The following HS3ST4 variants were observed in gnomAD, a reference collection of about 807,000 sequenced individuals.
HS3ST4 encodes the protein heparan sulfate glucosamine 3-O-sulfotransferase 4.
HS3ST4 carries 17 observed loss-of-function variants against 29.2 expected under a neutral mutation model. The ratio of observed to expected loss-of-function variants is 0.58; its 90% CI spans 0.40 to 0.87. The LOEUF is 0.87. Ranked by LOEUF, HS3ST4 falls within the 40% of genes least tolerant of loss-of-function variation. The probability of loss-of-function intolerance (pLI) is 0.00; values close to 1 mark genes in which losing one functional copy is unlikely to be tolerated. For missense variants in HS3ST4, 627 were observed against 634.5 expected (o/e 0.99, Z 0.13); for synonymous variants, 314 against 285.7 (o/e 1.10, Z -1.00).
intron 1 of HS3ST4, among the ~76,000 whole-genome samples, chr16:25,895,333 A>C (rs558124937): frequency 6.6e-5 from 10 of 152,292 alleles, no homozygotes; most frequent in African/African-American, 2.4e-4. Context: ...CAGACAATGT[A>C]GGTCTGGGGA....
intron 1 of HS3ST4, among the ~76,000 whole-genome samples, chr16:25,864,945 C>CATAT (rs71158976): frequency 2.3e-4 from 35 of 149,928 alleles, no homozygotes; most frequent in Middle Eastern, 7.0e-3. Flanking sequence ...TATACACACA[C>CATAT]ATATATATAT....
intron 1 of HS3ST4, among the ~76,000 whole-genome samples, chr16:25,696,315 T>C (rs1966296237): frequency 6.6e-6 from 1 of 152,178 alleles, no homozygotes; most frequent in Admixed American, 6.5e-5. Flanking sequence ...GACTTTAAAC[T>C]CTTCTAAGGG....
At chr16:25,910,994 C>A (rs922772939) in intron 1 of HS3ST4, among the ~76,000 whole-genome samples, 2 of 152,072 alleles carry the variant, frequency 1.3e-5, no homozygotes, top group Non-Finnish European at 2.9e-5. Context: ...GAGAATAAAA[C>A]AAAATAATTG....
At chr16:25,777,777 A>G (rs1479374783) in intron 1 of HS3ST4, among the ~76,000 whole-genome samples, 1 of 152,176 alleles carries the variant, frequency 6.6e-6, no homozygotes, top group Admixed American at 6.5e-5. Flanking sequence ...CAAAACAAAC[A>G]AACAAAGAAA....
intron 1 of HS3ST4, among the ~76,000 whole-genome samples, chr16:25,704,803 C>T (rs890673016): frequency 6.7e-6 from 1 of 150,304 alleles, no homozygotes; most frequent in Non-Finnish European, 1.5e-5. Context: ...CGCTTGAACC[C>T]AGAAGGCAGA....
chr16:25,951,073 CCTT>C (rs1177431839), intron 1 of HS3ST4, among the ~76,000 whole-genome samples: 1 of 152,194 alleles, frequency 6.6e-6, no homozygotes, highest in Non-Finnish European at 1.5e-5. Context: ...ATTAATCCCT[CCTT>C]CTGTAAACAC....
rs909666889 is a variant in HS3ST4 at position 25,732,747 on chromosome 16, A to G, written c.734+39596A>G. ...AGTTAAATTTCTGGAAGGAGGCAGT[A>G]TAGCATGGATTATCGGAAGCCCTGT... On this transcript the variant is annotated intron_variant, in intron 1 of 1. Transcript: ENST00000331351. Among the ~76,000 whole-genome samples the G allele has an allele frequency of 5.3e-5, 8 of 152,352 alleles. No individual in the cohort carries two copies. In the South Asian group the frequency reaches 1.7e-3, roughly 32 times the overall value.
chr16:25,917,314 G>A (rs2141681156), intron 1 of HS3ST4, among the ~76,000 whole-genome samples: 1 of 152,262 alleles, frequency 6.6e-6, no homozygotes, highest in East Asian at 1.9e-4. Flanking sequence ...CCAGGTTCAA[G>A]CGATTCTCCT....
chr16:25,699,495 TATAAA>T (rs546953121), intron 1 of HS3ST4, among the ~76,000 whole-genome samples: 144 of 152,372 alleles, frequency 9.5e-4, no homozygotes, highest in African/African-American at 3.2e-3. Context: ...AACTTGCACT[TATAAA>T]ATAGATTACG....
At chr16:25,932,777 G>C (rs1430464884) in intron 1 of HS3ST4, among the ~76,000 whole-genome samples, 3 of 152,210 alleles carry the variant, frequency 2.0e-5, no homozygotes, top group Admixed American at 1.3e-4. Flanking sequence ...TTAAGAAGGT[G>C]AAAGGACTTC....
At chr16:26,006,467 CA>C (rs1443287617) in intron 1 of HS3ST4, among the ~76,000 whole-genome samples, 1 of 151,918 alleles carries the variant, frequency 6.6e-6, no homozygotes, top group African/African-American at 2.4e-5. Flanking sequence ...TTTATCAAGA[CA>C]GGGGGACTGC....
At chr16:25,712,725 A>G (rs995172984) in intron 1 of HS3ST4, among the ~76,000 whole-genome samples, 2 of 152,212 alleles carry the variant, frequency 1.3e-5, no homozygotes, top group Non-Finnish European at 2.9e-5. Context: ...AGATTGATGG[A>G]TTTGCACAGA....
chr16:26,109,776 C>A (rs1899104132), intron 1 of HS3ST4, among the ~76,000 whole-genome samples: 1 of 148,516 alleles, frequency 6.7e-6, no homozygotes, highest in African/African-American at 2.5e-5. Context: ...ATTTAGGTGT[C>A]ATTGACAAAT....
At chr16:25,714,010 C>G (rs1966435024) in intron 1 of HS3ST4, among the ~76,000 whole-genome samples, 2 of 151,752 alleles carry the variant, frequency 1.3e-5, no homozygotes, top group African/African-American at 4.8e-5. Context: ...GTTCCTGTTT[C>G]CAGTTAAGTT....
At chr16:25,727,298 G>A (rs1014327702) in intron 1 of HS3ST4, among the ~76,000 whole-genome samples, 2 of 152,000 alleles carry the variant, frequency 1.3e-5, no homozygotes, top group Admixed American at 6.6e-5. Flanking sequence ...ATGCAGTTAC[G>A]GAAAAGAATG....
chr16:25,828,301 C>CTTTCTTTCTCTCTCT (rs1555467593), intron 1 of HS3ST4, among the ~76,000 whole-genome samples: 3 of 32,882 alleles, frequency 9.1e-5, no homozygotes, highest in Admixed American at 3.7e-4. Context: ...TCTTTCTTTC[C>CTTTCTTTCTCTCTCT]CTCTCTCTCT....
intron 1 of HS3ST4, among the ~76,000 whole-genome samples, chr16:25,902,620 G>A (rs1968130338): frequency 6.6e-6 from 1 of 152,104 alleles, no homozygotes; most frequent in Non-Finnish European, 1.5e-5. Flanking sequence ...CCCATCAGTT[G>A]GGAGATGAGT....
At chr16:26,107,982 C>CTGTTCTATTTTCTATGGAAAATAGAGG (rs1290625708) in intron 1 of HS3ST4, among the ~76,000 whole-genome samples, 13 of 152,176 alleles carry the variant, frequency 8.5e-5, no homozygotes, top group East Asian at 3.9e-4. Flanking sequence ...GTGGAAAACA[C>CTGTTCTATTTTCTATGGAAAATAGAGG]TGTTCTATTT....
intron 1 of HS3ST4, among the ~76,000 whole-genome samples, chr16:26,013,055 C>T (rs1012801538): frequency 9.9e-5 from 15 of 151,956 alleles, no homozygotes; most frequent in South Asian, 6.2e-4. Context: ...CCCAGCTACT[C>T]GGGAGGCTGA....
Sources: gnomAD v4.1 joint callset for allele counts (sites outside exome capture counted in the v4.1 genomes callset) on GRCh38, gnomAD v4.1.1 for gene constraint, MANE v1.5 for transcripts, NCBI Gene and HGNC (gene_info 2026-07-23, HGNC 2026-07-21) for gene names.